COLEC10: variants seen among roughly 807,000 people sequenced by gnomAD.
COLEC10 encodes collectin-10.
Under a neutral mutation model 28.4 loss-of-function variants are expected in COLEC10, and 22 were observed. The observed-to-expected ratio is 0.78, with a 90% CI of 0.55 to 1.11. The LOEUF (loss-of-function observed/expected upper bound fraction) is 1.11. Ranked by LOEUF, COLEC10 falls within the 50% of genes least tolerant of loss-of-function variation. The probability of loss-of-function intolerance (pLI) is 0.00; values close to 1 mark genes in which losing one functional copy is unlikely to be tolerated. For synonymous variants in COLEC10, 125 were observed against 116.1 expected, an observed-to-expected ratio of 1.08 and a Z score of -0.49; for missense variants, 361 against 344.1, an observed-to-expected ratio of 1.05 and a Z score of -0.39.
At chr8:118,998,650 A>C (rs1300362218) in intron 1 of COLEC10, among the ~76,000 whole-genome samples, 1 of 149,802 alleles carries the variant, frequency 6.7e-6, no homozygotes, top group African/African-American at 2.5e-5. Context: ...CATCCTGGCT[A>C]ATATGGAGAA....
At chr8:118,988,285 C>A in the COLEC10 span, among the ~76,000 whole-genome samples, 1 of 151,714 alleles carries the variant, frequency 6.6e-6, no homozygotes, top group Non-Finnish European at 1.5e-5. Flanking sequence ...AGGGTTCTGG[C>A]GGTGGAGACA....
rs548421034 is a variant in COLEC10 at position 119,005,981 on chromosome 8, T to A, written n.123-3460T>A. ...TCCCCACCATTCTCATTTAGGAATA[T>A]CCCTCACTGGGTCTGTGGTGTGCAG... On this transcript the variant is annotated intron_variant and non_coding_transcript_variant, in intron 1 of 6. Transcript: ENST00000521788. Among the ~76,000 whole-genome samples, 15 of 152,208 alleles carry A rather than the reference T, an allele frequency of 9.9e-5. No homozygotes were observed. In the South Asian group the frequency reaches 3.1e-3, roughly 32 times the overall value.
At chr8:118,971,557 A>G in the COLEC10 span, among the ~76,000 whole-genome samples, 21 of 152,108 alleles carry the variant, frequency 1.4e-4, no homozygotes, top group South Asian at 4.3e-3. Flanking sequence ...CTAGGTAGGT[A>G]ATGGCTGTTT....
At position 119,077,243 on chromosome 8, in the gene COLEC10, A is replaced by ATTTTTTTTTTTTT. The variant is rs762180766; in HGVS notation, c.148+9826_148+9838dup. Among the ~76,000 whole-genome samples the ATTTTTTTTTTTTT allele has an allele frequency of 6.6e-5, 6 of 90,292 alleles. 1 individual carries two copies. Among genetic ancestry groups the ATTTTTTTTTTTTT allele is most frequent in the African/African-American group, 8.4e-5 (2 of 23,776 alleles). The allele number at this position is 90,292 out of a possible 152,430, so 59.2% of individuals were successfully genotyped here. ...TTTTGATTAGCCTGGGTAGAGAATG[A>ATTTTTTTTTTTTT]TTTTTTTTTTTTTTTTTTTTTTTTG... On this transcript the variant is annotated intron_variant, in intron 1 of 5. Transcript: ENST00000332843.
chr8:119,096,204 T>A (rs976565373), intron 3 of COLEC10, among the ~76,000 whole-genome samples: 1 of 152,212 alleles, frequency 6.6e-6, no homozygotes, highest in African/African-American at 2.4e-5. Flanking sequence ...TAGAAGTCTA[T>A]ATTTTTGATC....
At chr8:118,976,956 T>G in the COLEC10 span, among the ~76,000 whole-genome samples, 1 of 149,438 alleles carries the variant, frequency 6.7e-6, no homozygotes, top group African/African-American at 2.5e-5. Flanking sequence ...AACAGACACT[T>G]CTCAAAAGAA....
chr8:119,088,369 T>C (rs1174325003), intron 1 of COLEC10, among the ~76,000 whole-genome samples: 6 of 152,192 alleles, frequency 3.9e-5, no homozygotes, highest in Admixed American at 3.9e-4. Flanking sequence ...TAGCTTCCCT[T>C]GTAAAGTATT....
chr8:118,995,295 T>C (rs911781722), upstream of COLEC10, among the ~76,000 whole-genome samples: 1 of 152,192 alleles, frequency 6.6e-6, no homozygotes, highest in African/African-American at 2.4e-5. Flanking sequence ...CAAAAATAGC[T>C]TGGCCTTTTG....
chr8:119,007,563 G>A (rs981644530), intron 1 of COLEC10, among the ~76,000 whole-genome samples: 20 of 151,280 alleles, frequency 1.3e-4, no homozygotes, highest in Admixed American at 2.6e-4. Context: ...AGTGATGAAT[G>A]ATTTACAACT....
intron 2 of COLEC10, among the ~76,000 whole-genome samples, chr8:119,054,474 T>C (rs1160970626): frequency 6.6e-6 from 1 of 152,122 alleles, no homozygotes; most frequent in African/African-American, 2.4e-5. Context: ...TTAGGAAGCA[T>C]GTAAGAGATA....
At chr8:118,998,388 A>G (rs1054555904) in intron 1 of COLEC10, among the ~76,000 whole-genome samples, 1 of 152,116 alleles carries the variant, frequency 6.6e-6, no homozygotes, top group Non-Finnish European at 1.5e-5. Context: ...GAGGAAATGG[A>G]GTTATTTGGG....
intron 2 of COLEC10, among the ~76,000 whole-genome samples, chr8:119,019,433 C>T (rs766023836): frequency 2.6e-5 from 4 of 152,132 alleles, no homozygotes; most frequent in Non-Finnish European, 4.4e-5. Flanking sequence ...TCAAGAAATC[C>T]GTCTTTGGAG....
intron 2 of COLEC10, among the ~76,000 whole-genome samples, chr8:119,056,393 C>A (rs1814762006): frequency 6.6e-6 from 1 of 152,002 alleles, no homozygotes; most frequent in African/African-American, 2.4e-5. Flanking sequence ...CTGGGAAAAA[C>A]TCCTTAAAAA....
the COLEC10 span, among the ~76,000 whole-genome samples, chr8:118,964,850 C>T: frequency 3.3e-5 from 5 of 152,254 alleles, no homozygotes; most frequent in Middle Eastern, 0.01. Flanking sequence ...GATACTGTTC[C>T]GTAAGTTTTA....
At chr8:119,091,977 T>C (rs1372036234) in intron 3 of COLEC10, among the ~76,000 whole-genome samples, 1 of 152,092 alleles carries the variant, frequency 6.6e-6, no homozygotes, top group Non-Finnish European at 1.5e-5. Context: ...CTGAGTGGAT[T>C]AACCAAAAAT....
At chr8:118,959,424 C>T in the COLEC10 span, among the ~76,000 whole-genome samples, 7 of 152,254 alleles carry the variant, frequency 4.6e-5, no homozygotes, top group South Asian at 1.5e-3. Flanking sequence ...CTCTGTGCCT[C>T]GGTTTCTCTA....
At chr8:119,093,593 C>T (rs545389673) in intron 3 of COLEC10, among the ~76,000 whole-genome samples, 1 of 152,214 alleles carries the variant, frequency 6.6e-6, no homozygotes, top group Admixed American at 6.5e-5. Context: ...GGCCATATAC[C>T]TCGATAAAAT....
At chr8:119,040,569 A>G (rs1814476726) in intron 2 of COLEC10, among the ~76,000 whole-genome samples, 1 of 152,216 alleles carries the variant, frequency 6.6e-6, no homozygotes, top group South Asian at 2.1e-4. Flanking sequence ...TAAAATGGAT[A>G]TACTGTGCTC....
chr8:119,086,514 T>G (rs1170172997), intron 1 of COLEC10, among the ~76,000 whole-genome samples: 1 of 152,148 alleles, frequency 6.6e-6, no homozygotes, highest in African/African-American at 2.4e-5. Flanking sequence ...TTACTTCATC[T>G]GTGCCAGAAG....
Sources: gnomAD v4.1 joint callset for allele counts (sites outside exome capture counted in the v4.1 genomes callset) on GRCh38, gnomAD v4.1.1 for gene constraint, MANE v1.5 for transcripts, NCBI Gene and HGNC (gene_info 2026-07-23, HGNC 2026-07-21) for gene names.